Variants in SGCD observed in about 807,000 individuals in gnomAD.
The protein encoded by SGCD is delta-sarcoglycan.
Under a neutral mutation model 36.6 loss-of-function variants are expected in SGCD, and 18 were observed. That is an observed-to-expected ratio of 0.49 (90% CI 0.34 to 0.73). The LOEUF (loss-of-function observed/expected upper bound fraction) is 0.73, where lower values mean the gene tolerates loss of function less well. Ranked by LOEUF, SGCD falls within the 30% of genes least tolerant of loss-of-function variation. The pLI is 0.01. For missense variants in SGCD, 387 were observed against 346.7 expected (o/e 1.12, Z -0.92); for synonymous variants, 133 against 130.6 (o/e 1.02, Z -0.12).
chr5:155,956,139 C>G (rs1412013811), intron 1 of SGCD, among the ~76,000 whole-genome samples: 1 of 150,406 alleles, frequency 6.6e-6, no homozygotes, highest in Non-Finnish European at 1.5e-5. Context: ...ACCTCTCCCA[C>G]CTGTCACAGC....
At chr5:155,800,363 G>T in the SGCD span, among the ~76,000 whole-genome samples, 1 of 152,076 alleles carries the variant, frequency 6.6e-6, no homozygotes, top group Non-Finnish European at 1.5e-5. Context: ...AATTAGACAG[G>T]TGTATGATAT....
intron 1 of SGCD, among the ~76,000 whole-genome samples, chr5:156,100,590 A>T (rs1165105280): frequency 1.3e-5 from 2 of 152,222 alleles, no homozygotes; most frequent in East Asian, 3.8e-4. Context: ...ACTCAGCATC[A>T]CTTTTCCCTA....
rs183614452 is a variant in SGCD at position 156,476,614 on chromosome 5, C to T, written c.193-31987C>T. Among the ~76,000 whole-genome samples the T allele has an allele frequency of 2.7e-3, 414 of 152,256 alleles. 2 individuals are homozygous for T. The highest frequency in any genetic ancestry group is 4.8e-3 in the Admixed American group (73 of 15,300). On this transcript the variant is annotated intron_variant, in intron 3 of 8. Transcript: ENST00000337851. ...TGAAACTGGAGAAAAGAAAAAATGCCTTCAAGAAAATAGGGCATAGTATAA... is the reference window on the plus strand; with the variant it reads ...TGAAACTGGAGAAAAGAAAAAATGCTTTCAAGAAAATAGGGCATAGTATAA...
At chr5:156,171,445 G>A (rs1203872183) in intron 3 of SGCD, among the ~76,000 whole-genome samples, 6 of 152,080 alleles carry the variant, frequency 3.9e-5, no homozygotes, top group Non-Finnish European at 7.4e-5. Context: ...TTAAGATCAG[G>A]GGTAATTTAA....
At chr5:156,755,678 G>A (rs1043017729) in intron 7 of SGCD, among the ~76,000 whole-genome samples, 6 of 152,216 alleles carry the variant, frequency 3.9e-5, no homozygotes, top group African/African-American at 1.4e-4. Flanking sequence ...ACAACCTGGT[G>A]AAGGTCTTAA....
chr5:156,036,013 A>C (rs894711664), intron 1 of SGCD, among the ~76,000 whole-genome samples: 1 of 152,188 alleles, frequency 6.6e-6, no homozygotes, highest in Admixed American at 6.5e-5. Context: ...ATGTGCTTTC[A>C]CCTATATTAT....
intron 3 of SGCD, among the ~76,000 whole-genome samples, chr5:156,303,674 G>A (rs1767120433): frequency 6.6e-6 from 1 of 151,390 alleles, no homozygotes; most frequent in African/African-American, 2.4e-5. Context: ...GTCAGCAGGT[G>A]ATGAATCCTA....
At chr5:156,458,505 A>C in intron 3 of SGCD, 9 of 1,582,684 alleles carry the variant, frequency 5.7e-6, no homozygotes, top group Non-Finnish European at 7.8e-6. Context: ...GGGCTTCGTT[A>C]ACCTACAACA....
chr5:156,731,387 TTTAATCCATC>T (rs1756054195), intron 7 of SGCD, among the ~76,000 whole-genome samples: 2 of 152,348 alleles, frequency 1.3e-5, no homozygotes, highest in South Asian at 2.1e-4. Flanking sequence ...CATTTAAGTC[TTTAATCCATC>T]TTGAGTGAAT....
chr5:156,711,577 G>A (rs528694214), intron 7 of SGCD, among the ~76,000 whole-genome samples: 14 of 152,306 alleles, frequency 9.2e-5, no homozygotes, highest in Non-Finnish European at 1.8e-4. Context: ...ACTTCTTGCC[G>A]TGACTTCAGG....
intron 1 of SGCD, among the ~76,000 whole-genome samples, chr5:155,949,105 G>A (rs1212370137): frequency 6.6e-6 from 1 of 152,134 alleles, no homozygotes; most frequent in Non-Finnish European, 1.5e-5. Flanking sequence ...ACTGATTGCT[G>A]CATTGAAATG....
At chr5:156,677,307 C>T (rs2113673418) in intron 7 of SGCD, among the ~76,000 whole-genome samples, 1 of 152,328 alleles carries the variant, frequency 6.6e-6, no homozygotes, top group East Asian at 1.9e-4. Flanking sequence ...AAATGTGGCA[C>T]ATATACACTA....
At chr5:156,494,226 GA>G (rs1406830637) in intron 3 of SGCD, among the ~76,000 whole-genome samples, 5 of 151,980 alleles carry the variant, frequency 3.3e-5, no homozygotes, top group Non-Finnish European at 7.4e-5. Flanking sequence ...CCTTCCAAGA[GA>G]GATACTGTTA....
At chr5:155,741,195 G>A in the SGCD span, among the ~76,000 whole-genome samples, 1 of 152,260 alleles carries the variant, frequency 6.6e-6, no homozygotes, top group East Asian at 1.9e-4. Flanking sequence ...AGTTAAGGGG[G>A]GTTGTGGAAG....
At chr5:156,291,283 A>T (rs1766750237) in intron 3 of SGCD, among the ~76,000 whole-genome samples, 1 of 152,130 alleles carries the variant, frequency 6.6e-6, no homozygotes, top group Non-Finnish European at 1.5e-5. Flanking sequence ...AATATTCAAT[A>T]CTCAAGGTGA....
intron 3 of SGCD, among the ~76,000 whole-genome samples, chr5:156,141,054 C>A (rs1003044971): frequency 1.3e-5 from 2 of 152,162 alleles, no homozygotes; most frequent in Non-Finnish European, 2.9e-5. Flanking sequence ...ACTTGACCAC[C>A]CTAGCTGTGA....
intron 3 of SGCD, among the ~76,000 whole-genome samples, chr5:156,415,119 A>G (rs933158108): frequency 6.6e-6 from 1 of 152,164 alleles, no homozygotes; most frequent in African/African-American, 2.4e-5. Flanking sequence ...ATATCTAGAT[A>G]TACAGTAAAG....
intron 7 of SGCD, among the ~76,000 whole-genome samples, chr5:156,665,381 A>C (rs1368643265): frequency 2.0e-5 from 3 of 152,268 alleles, no homozygotes; most frequent in African/African-American, 7.2e-5. Flanking sequence ...ACATATTCGC[A>C]ATGTAAACTT....
the SGCD span, among the ~76,000 whole-genome samples, chr5:155,849,127 C>A: frequency 6.6e-6 from 1 of 152,116 alleles, no homozygotes; most frequent in Non-Finnish European, 1.5e-5. Context: ...GTCACCAGAG[C>A]ATGTCCTCAA....
Sources: gnomAD v4.1 joint callset for allele counts (sites outside exome capture counted in the v4.1 genomes callset) on GRCh38, gnomAD v4.1.1 for gene constraint, MANE v1.5 for transcripts, NCBI Gene and HGNC (gene_info 2026-07-23, HGNC 2026-07-21) for gene names.